Variants in CLPS observed in about 807,000 individuals in gnomAD.
The protein encoded by CLPS is colipase, pancreatic.
A neutral mutation model predicts 9.3 loss-of-function variants in CLPS; 8 were observed. The observed-to-expected ratio is 0.86, with a 90% CI of 0.51 to 1.56. The LOEUF (loss-of-function observed/expected upper bound fraction) is 1.56, where lower values mean the gene tolerates loss of function less well. CLPS is among the 40% of genes most tolerant of loss of function. The pLI is 0.00. For missense variants in CLPS, 144 were observed against 145.7 expected (o/e 0.99, Z 0.06); for synonymous variants, 61 against 56.2 (o/e 1.09, Z -0.39).
At chr6:35,797,063 A>G in intron 1 of CLPS, 142 bp downstream of exon 1, 1 of 752,064 alleles carries the variant, frequency 1.3e-6, no homozygotes, top group South Asian at 1.7e-5. Context: ...ATAGGACAGG[A>G]CATGGAAGTA....
rs375175856 is a variant in CLPS, at chr6:35,795,855, T to C, written c.85-2A>G. On this transcript the variant is annotated splice_acceptor_variant, in intron 1 of 2. Transcript: ENST00000259938. LOFTEE classifies it high-confidence loss of function. ...ATTCATGCAGAGCTCACCGTTCTCC[T>C]GCCAGGAGCAGCCAGTCAGCCCAGG... 3.1e-6 allele frequency: 5 copies of C among 1,612,180 alleles called. No individual in the cohort carries two copies. Among genetic ancestry groups the C allele is most frequent in the South Asian group, 1.1e-5 (1 of 91,090 alleles).
chr6:35,796,091 G>A (rs1158040025), intron 1 of CLPS, among the ~76,000 whole-genome samples: 1 of 152,276 alleles, frequency 6.6e-6, no homozygotes, highest in Non-Finnish European at 1.5e-5. Flanking sequence ...AGTACCGGCT[G>A]TGCTACCAAC....
At chr6:35,797,089 G>T (rs1396224382) in intron 1 of CLPS, 116 bp downstream of exon 1, 1 of 943,474 alleles carries the variant, frequency 1.1e-6, no homozygotes, top group Non-Finnish European at 1.6e-6. Context: ...AGGGATGCAA[G>T]ATGCCACTCC....
Position 35,795,102 on chromosome 6 carries a change from G to A in CLPS, c.*44C>T. 1.2e-6 allele frequency: 2 copies of A among 1,604,986 alleles called. No homozygotes were observed. The highest frequency in any genetic ancestry group is 1.3e-5 in the African/African-American group (1 of 74,972). On this transcript the variant is annotated 3_prime_UTR_variant, in exon 3 of 3. Transcript: ENST00000259938. ...GGGGAGAGATGCCCCTGCGCCTAGT[G>A]GCCTACAGCATTCTGGGCTAGGTGT...
chr6:35,795,929 A>T, intron 1 of CLPS, 76 bp from the exon 2 acceptor site: 1 of 1,579,802 alleles, frequency 6.3e-7, no homozygotes, highest in African/African-American at 1.3e-5. Flanking sequence ...CCCACCACAC[A>T]CTACCACTAA....
chr6:35,795,718 C>A lies in CLPS; in HGVS notation c.207+13G>T, dbSNP rs757585530. 63 of 1,610,480 alleles carry A rather than the reference C, an allele frequency of 3.9e-5. No individual in the cohort carries two copies. The Middle Eastern group carries it at 1.2e-3, about 29-fold the overall frequency. ...CATTCTCCCCCACCCACGCCAAGTC[C>A]TCAGGCACCCACCTTGACAGAGCAC... On this transcript the variant is annotated intron_variant, in intron 2 of 2. Transcript: ENST00000259938.
intron 1 of CLPS, 42 bp from the exon 2 acceptor site, chr6:35,795,895 G>T (rs770909067): frequency 5.0e-6 from 8 of 1,608,476 alleles, no homozygotes; most frequent in Non-Finnish European, 5.9e-6. Flanking sequence ...ACTCCCTCAG[G>T]TCCCTTCTCC....
intron 2 of CLPS, 137 bp from the exon 3 acceptor site, chr6:35,795,414 G>A: frequency 7.5e-7 from 1 of 1,324,768 alleles, no homozygotes; most frequent in Non-Finnish European, 1.0e-6. Flanking sequence ...CCCCAGGGGT[G>A]CCGTGGGCCC....
At chr6:35,796,160 T>C (rs6928302) in intron 1 of CLPS, among the ~76,000 whole-genome samples, 1,699 of 151,928 alleles carry the variant, frequency 0.011, no homozygotes, top group African/African-American at 0.037. Context: ...CCATTTGGAA[T>C]GTGCACACAA....
chr6:35,795,215 C>T lies in CLPS; in HGVS notation c.270G>A (p.Lys90=), dbSNP rs1204289265. ...TGTTGGTGATGGAGCCCACGATGGT[C>T]TTGTCTCCCTCACAGGTCAGGCCAC... The part of the protein sequence containing the change: ...CERGLTCEGD[K]TIVGSITNTN... Residue 90 remains lysine (K), a synonymous_variant, in exon 3 of 3, where the codon AAG becomes AAA. Transcript: ENST00000259938. The T allele has an allele frequency of 1.5e-5, 25 of 1,614,138 alleles. No homozygotes were observed. Among genetic ancestry groups the T allele is most frequent in the Non-Finnish European group, 2.0e-5 (24 of 1,180,040 alleles).
rs756326802 is a variant in CLPS, at chr6:35,795,109, A to G, written c.*37T>C. 11 of 1,607,562 alleles carry G rather than the reference A, an allele frequency of 6.8e-6. No individual in the cohort carries two copies. Among genetic ancestry groups the G allele is most frequent in the Non-Finnish European group, 9.3e-6 (11 of 1,177,164 alleles). The stretch of plus-strand genomic sequence containing the variant: ...GATGCCCCTGCGCCTAGTGGCCTAC[A>G]GCATTCTGGGCTAGGTGTGGGAGTG... On this transcript the variant is annotated 3_prime_UTR_variant, in exon 3 of 3. Coordinates refer to ENST00000259938, the MANE Select transcript of CLPS (RefSeq NM_001832.4).
At chr6:35,797,111 G>T in intron 1 of CLPS, 94 bp downstream of exon 1, 5 of 1,180,240 alleles carry the variant, frequency 4.2e-6, no homozygotes, top group Non-Finnish European at 1.2e-6. Context: ...CCCAGCCCCT[G>T]CCAGTCCAGG....
intron 2 of CLPS, 118 bp from the exon 3 acceptor site, chr6:35,795,395 C>T (rs1018129362): frequency 2.1e-6 from 3 of 1,437,106 alleles, no homozygotes; most frequent in African/African-American, 1.4e-5. Context: ...GTGCCTCTCC[C>T]ACCTGCCTCC....
At chr6:35,795,890 C>G (rs746816255) in intron 1 of CLPS, 37 bp from the exon 2 acceptor site, 4 of 1,609,200 alleles carry the variant, frequency 2.5e-6, no homozygotes, top group Non-Finnish European at 3.4e-6. Flanking sequence ...GCCCCACTCC[C>G]TCAGGTCCCT....
At chr6:35,797,163 A>T in intron 1 of CLPS, 42 bp downstream of exon 1, 1 of 1,560,136 alleles carries the variant, frequency 6.4e-7, no homozygotes, top group Non-Finnish European at 8.8e-7. Context: ...GGAAGTCTTC[A>T]TCTGGGGACT....
chr6:35,795,387 G>A (rs1768332448), intron 2 of CLPS, 110 bp from the exon 3 acceptor site: 1 of 1,475,976 alleles, frequency 6.8e-7, no homozygotes, highest in Non-Finnish European at 9.1e-7. Context: ...TTCGGGGAGT[G>A]CCTCTCCCAC....
rs964554235 is a variant in CLPS at position 35,795,621 on chromosome 6, C to T, written c.207+110G>A. On this transcript the variant is annotated intron_variant, in intron 2 of 2. Transcript: ENST00000259938. ...TGACACCTGTCGACCTCCCTCTCGTCTCCTCAACATTCAGTGTCCAGGCTG... is the reference window on the plus strand; with the variant it reads ...TGACACCTGTCGACCTCCCTCTCGTTTCCTCAACATTCAGTGTCCAGGCTG... The T allele has an allele frequency of 8.5e-6, 13 of 1,526,850 alleles. No homozygotes were observed. The Admixed American group carries it at 2.3e-4, about 27-fold the overall frequency. The allele number at this position is 1,526,850 out of a possible 1,614,324, so 94.6% of individuals were successfully genotyped here. A position where few individuals can be genotyped will look rare whatever the true frequency, so the allele number is the denominator to read the frequency against.
chr6:35,795,787 G>A lies in CLPS; in HGVS notation c.151C>T (p.Leu51=), dbSNP rs746168432. Residue 51 remains leucine, a synonymous_variant, in exon 2 of 3, where the codon CTG becomes TTG. Transcript: ENST00000259938. ...ATGGATGTGCAGCGGGCCAGGCCCA[G>A]CGCACTTGAATGCTGGCAGCAATTG... The part of the protein sequence containing the change: ...KSNCCQHSSA[L]GLARCTSMAS... The A allele has an allele frequency of 2.5e-6, 4 of 1,613,324 alleles. No homozygotes were observed. Among genetic ancestry groups the A allele is most frequent in the Non-Finnish European group, 3.4e-6 (4 of 1,180,040 alleles).
Position 35,797,220 on chromosome 6 carries a change from C to T in CLPS, c.69G>A (p.Gly23=), listed in dbSNP as rs777015087. 3.7e-6 allele frequency: 6 copies of T among 1,613,756 alleles called. No homozygotes were observed. The highest frequency in any genetic ancestry group is 1.3e-5 in the African/African-American group (1 of 74,954). Residue 23 remains glycine (G), a synonymous_variant, in exon 1 of 3, where the codon GGG becomes GGA. Transcript: ENST00000259938. ...ACCCTCTTACCAGGTTGATAATGAT[C>T]CCCCGGGGGCCAGGAGCTGCATAGG... The part of the protein sequence containing the change: ...SVAYAAPGPR[G]IIINLENGEL...
Sources: allele counts gnomAD v4.1 joint callset (sites outside exome capture counted in the v4.1 genomes callset), GRCh38; gene constraint gnomAD v4.1.1; transcripts MANE v1.5; gene names NCBI Gene and HGNC (gene_info 2026-07-23, HGNC 2026-07-21).